CPEB3: variants seen among roughly 807,000 people sequenced by gnomAD.
The protein encoded by CPEB3 is cytoplasmic polyadenylation element-binding protein 3.
CPEB3 carries 20 observed loss-of-function variants against 67.2 expected under a neutral mutation model. That is an observed-to-expected ratio of 0.30 (90% confidence interval 0.21 to 0.43). The LOEUF (loss-of-function observed/expected upper bound fraction) is 0.43. CPEB3 is among the 20% of genes least tolerant of loss of function. The pLI, the probability that CPEB3 is intolerant of heterozygous loss-of-function variation, is 1.00. For missense variants in CPEB3, 746 were observed against 968.6 expected, an observed-to-expected ratio of 0.77 and a Z score of 3.05; for synonymous variants, 376 against 393.1, an observed-to-expected ratio of 0.96 and a Z score of 0.51.
intron 7 of CPEB3, among the ~76,000 whole-genome samples, chr10:92,100,962 T>G (rs1274471130): frequency 3.3e-5 from 5 of 152,008 alleles, no homozygotes; most frequent in African/African-American, 1.2e-4. Context: ...ACAGCTAGAG[T>G]TCTCTCAGTT....
Position 92,267,276 on chromosome 10 carries a change from G to T in CPEB3, c.-12+23650C>A, listed in dbSNP as rs113040642. ...CTTGTTACATACTCTTCTTGTTCTT[G>T]TTGTTTTACAACCCTTTAAAAATAT... is the stretch of plus-strand genomic sequence containing the variant. On this transcript the variant is annotated intron_variant, in intron 1 of 9. Coordinates refer to ENST00000265997, the MANE Select transcript of CPEB3 (RefSeq NM_014912.5). 8.6e-3 allele frequency among the ~76,000 whole-genome samples: 1,304 copies of T among 152,186 alleles called. 29 individuals carry two copies. Among genetic ancestry groups the T allele is most frequent in the African/African-American group, 0.03 (1,231 of 41,528 alleles).
chr10:92,095,601 T>TATATATATATATATATA (rs1491405800), intron 7 of CPEB3, among the ~76,000 whole-genome samples: 8 of 87,694 alleles, frequency 9.1e-5, no homozygotes, highest in African/African-American at 2.0e-4. Context: ...TATATATATA[T>TATATATATATATATATA]TTTTTTTTTT....
intron 1 of CPEB3, among the ~76,000 whole-genome samples, chr10:92,282,716 G>A (rs986344601): frequency 4.0e-5 from 6 of 151,766 alleles, no homozygotes; most frequent in Non-Finnish European, 7.4e-5. Context: ...ACATAATACC[G>A]TAGATGTTAA....
chr10:92,222,194 CTTTTTT>C (rs748320816), intron 2 of CPEB3, among the ~76,000 whole-genome samples: 1 of 139,988 alleles, frequency 7.1e-6, no homozygotes, highest in African/African-American at 2.6e-5. Context: ...CTCCAAACCT[CTTTTTT>C]TTTTTTTTTA....
chr10:92,137,465 G>C, intron 6 of CPEB3: 1 of 1,225,184 alleles, frequency 8.2e-7, no homozygotes, highest in Non-Finnish European at 1.1e-6. Flanking sequence ...AAGCTCAACA[G>C]CAACACCCAG....
chr10:92,087,192 G>A (rs192906546), intron 8 of CPEB3, among the ~76,000 whole-genome samples: 5 of 152,256 alleles, frequency 3.3e-5, no homozygotes, highest in South Asian at 2.1e-4. Context: ...CAGGATATAT[G>A]TTCTCTAGAT....
rs977537636 is a variant in CPEB3 at position 92,050,803 on chromosome 10, G to A, written c.*1409C>T. 2 of 152,584 alleles carry A rather than the reference G, an allele frequency of 1.3e-5. No homozygotes were observed. Among genetic ancestry groups the A allele is most frequent in the Admixed American group, 6.5e-5 (1 of 15,270 alleles). 9.5% of individuals were successfully genotyped at this position (152,584 alleles called of 1,614,324 possible). A position where few individuals can be genotyped will look rare whatever the true frequency, so the allele number is the denominator to read the frequency against. ...ATCTGACAACTTATCTCTATATCCT[G>A]TATATATTCTTAGTGTTTGTAAGCT... is the stretch of plus-strand genomic sequence containing the variant. On this transcript the variant is annotated 3_prime_UTR_variant, in exon 10 of 10. Transcript: ENST00000265997.
At chr10:92,163,875 TTAAG>T (rs913744352) in intron 4 of CPEB3, among the ~76,000 whole-genome samples, 3 of 152,186 alleles carry the variant, frequency 2.0e-5, no homozygotes, top group African/African-American at 2.4e-5. Context: ...TACATTCACA[TTAAG>T]TATTTGTTTT....
intron 7 of CPEB3, among the ~76,000 whole-genome samples, chr10:92,103,195 A>C (rs17364211): frequency 6.6e-6 from 1 of 152,114 alleles, no homozygotes; most frequent in African/African-American, 2.4e-5. Context: ...GGCTTAATGA[A>C]TGCAAATTTC....
Position 92,052,019 on chromosome 10 carries a change from C to G in CPEB3, c.*193G>C. The G allele has an allele frequency of 3.6e-6, 2 of 551,544 alleles. No homozygotes were observed. Among genetic ancestry groups the G allele is most frequent in the Non-Finnish European group, 6.5e-6 (2 of 309,540 alleles). The allele number at this position is 551,544 out of a possible 1,614,324, so 34.2% of individuals were successfully genotyped here. A position where few individuals can be genotyped will look rare whatever the true frequency, so the allele number is the denominator to read the frequency against. On this transcript the variant is annotated 3_prime_UTR_variant, in exon 10 of 10. Coordinates refer to ENST00000265997, the MANE Select transcript of CPEB3 (RefSeq NM_014912.5). Reference sequence around the variant, plus strand: ...CAGTACCATTCTACACTCTGCAATTCTGCATTATACTGGACACTGAGTTCA... The same window carrying G: ...CAGTACCATTCTACACTCTGCAATTGTGCATTATACTGGACACTGAGTTCA...
rs1264095592 is a variant in CPEB3 at position 92,224,962 on chromosome 10, C to T, written c.1005+14384G>A. On this transcript the variant is annotated intron_variant, in intron 2 of 9. Coordinates refer to ENST00000265997, the MANE Select transcript of CPEB3 (RefSeq NM_014912.5). ...ATAAATTTAAAAAAATGAACCCTAC[C>T]CCATTTTCTTTCTTTTTTTTTTTTA... is the stretch of plus-strand genomic sequence containing the variant. Among the ~76,000 whole-genome samples the T allele has an allele frequency of 4.1e-5, 6 of 146,752 alleles. No homozygotes were observed. In the East Asian group the frequency reaches 9.9e-4, roughly 24 times the overall value.
At chr10:92,188,395 G>C (rs185144748) in intron 3 of CPEB3, among the ~76,000 whole-genome samples, 1 of 139,974 alleles carries the variant, frequency 7.1e-6, no homozygotes, top group East Asian at 2.1e-4. Flanking sequence ...CAAGCACGTA[G>C]TTTGGGATCT....
At chr10:92,245,854 C>A (rs1197046288) in intron 1 of CPEB3, among the ~76,000 whole-genome samples, 2 of 151,316 alleles carry the variant, frequency 1.3e-5, no homozygotes, top group East Asian at 3.9e-4. Context: ...CTGACCAACA[C>A]GGTGAAACCT....
At chr10:92,136,580 A>G (rs1361619197) in intron 6 of CPEB3, among the ~76,000 whole-genome samples, 1 of 151,984 alleles carries the variant, frequency 6.6e-6, no homozygotes, top group Non-Finnish European at 1.5e-5. Context: ...TTTTTTTCTA[A>G]GGCGGAGTCT....
chr10:92,195,045 A>AC (rs879297623), intron 2 of CPEB3, among the ~76,000 whole-genome samples: 10,366 of 135,626 alleles, frequency 0.076, 366 homozygotes, highest in African/African-American at 0.12. Flanking sequence ...CTGTCTCAAA[A>AC]AACACACACA....
chr10:92,195,374 A>C (rs1849194095), intron 2 of CPEB3, among the ~76,000 whole-genome samples: 2 of 152,176 alleles, frequency 1.3e-5, no homozygotes, highest in African/African-American at 4.8e-5. Context: ...TTTTTCTTTT[A>C]AAGTCTTCCT....
At chr10:92,269,611 G>A (rs1184014410) in intron 1 of CPEB3, among the ~76,000 whole-genome samples, 1 of 152,134 alleles carries the variant, frequency 6.6e-6, no homozygotes, top group Non-Finnish European at 1.5e-5. Context: ...AGGCTGGAGT[G>A]CAATGGCGCA....
intron 4 of CPEB3, among the ~76,000 whole-genome samples, chr10:92,167,479 A>G (rs1292162099): frequency 2.0e-5 from 3 of 152,258 alleles, no homozygotes; most frequent in Non-Finnish European, 4.4e-5. Flanking sequence ...GTTGTGTCTC[A>G]GAAAATGGGA....
intron 4 of CPEB3, among the ~76,000 whole-genome samples, chr10:92,179,620 T>C (rs1354509023): frequency 6.6e-6 from 1 of 152,234 alleles, no homozygotes; most frequent in Admixed American, 6.5e-5. Flanking sequence ...TGACCTTTCA[T>C]TTAGAAGTTA....
Sources: gnomAD v4.1 joint callset for allele counts (sites outside exome capture counted in the v4.1 genomes callset) on GRCh38, gnomAD v4.1.1 for gene constraint, MANE v1.5 for transcripts, NCBI Gene and HGNC (gene_info 2026-07-23, HGNC 2026-07-21) for gene names.